OSBPL10: variants seen among roughly 807,000 people sequenced by gnomAD.
OSBPL10 encodes oxysterol binding protein like 10.
A neutral mutation model predicts 81.7 loss-of-function variants in OSBPL10; 49 were observed. That is an observed-to-expected ratio of 0.60 (90% CI 0.48 to 0.76). The LOEUF is 0.76. Among genes scored for constraint, OSBPL10 ranks in the 30% least tolerant of loss-of-function variants. OSBPL10 has a pLI of 0.00. For missense variants in OSBPL10, 923 were observed against 987.8 expected, an observed-to-expected ratio of 0.93 and a Z score of 0.88; for synonymous variants, 419 against 383.6, an observed-to-expected ratio of 1.09 and a Z score of -1.08.
chr3:31,900,591 A>T (rs1207489192), intron 1 of OSBPL10, among the ~76,000 whole-genome samples: 1 of 152,244 alleles, frequency 6.6e-6, no homozygotes, highest in Non-Finnish European at 1.5e-5. Context: ...AAGGCACTGC[A>T]GTCAGTTGTT....
At chr3:32,044,665 C>G (rs1331805753) in intron 2 of OSBPL10, among the ~76,000 whole-genome samples, 1 of 144,476 alleles carries the variant, frequency 6.9e-6, no homozygotes, top group Non-Finnish European at 1.5e-5. Flanking sequence ...GGCTTGAACC[C>G]GGGAGGCAGA....
chr3:31,955,192 G>A (rs1367890578), intron 1 of OSBPL10, among the ~76,000 whole-genome samples: 3 of 152,176 alleles, frequency 2.0e-5, no homozygotes, highest in African/African-American at 4.8e-5. Flanking sequence ...CAAAATTGAA[G>A]ATAACAGTAA....
chr3:31,942,534 C>CA (rs34915200), intron 1 of OSBPL10, among the ~76,000 whole-genome samples: 21,480 of 79,538 alleles, frequency 0.27, 3,495 homozygotes, highest in South Asian at 0.41. Flanking sequence ...GACTCCATCT[C>CA]AAAAAAAAAA....
intron 3 of OSBPL10, among the ~76,000 whole-genome samples, chr3:31,841,163 T>C (rs565592157): frequency 3.3e-5 from 5 of 152,330 alleles, no homozygotes; most frequent in Admixed American, 6.5e-5. Flanking sequence ...CGCCTCGGCC[T>C]CCCAAAGTGT....
chr3:31,863,671 T>C (rs1701109839), intron 3 of OSBPL10, among the ~76,000 whole-genome samples: 2 of 152,208 alleles, frequency 1.3e-5, no homozygotes. Context: ...TATTTCCTTT[T>C]CCCAAAAATG....
chr3:31,736,593 C>A (rs1279202222), intron 5 of OSBPL10, among the ~76,000 whole-genome samples: 5 of 152,184 alleles, frequency 3.3e-5, no homozygotes, highest in Non-Finnish European at 1.5e-5. Context: ...ATCTAAAATG[C>A]CAAACAGTTG....
At chr3:31,990,464 C>G in intron 2 of OSBPL10, 1 of 1,565,802 alleles carries the variant, frequency 6.4e-7, no homozygotes, top group South Asian at 1.2e-5. Context: ...TGTGGCAAGA[C>G]CTTCCATCAC....
chr3:31,942,091 G>A (rs1376808852), intron 1 of OSBPL10, among the ~76,000 whole-genome samples: 3 of 151,990 alleles, frequency 2.0e-5, no homozygotes, highest in East Asian at 1.9e-4. Flanking sequence ...TGGCTAACAC[G>A]GTGAAACCCC....
At chr3:32,033,474 T>C (rs900951869) in intron 2 of OSBPL10, among the ~76,000 whole-genome samples, 1 of 152,298 alleles carries the variant, frequency 6.6e-6, no homozygotes, top group Non-Finnish European at 1.5e-5. Context: ...TCCTTTCTAG[T>C]AAAAGGGTGA....
At chr3:32,004,326 C>T (rs1397980003) in intron 2 of OSBPL10, among the ~76,000 whole-genome samples, 1 of 152,110 alleles carries the variant, frequency 6.6e-6, no homozygotes, top group African/African-American at 2.4e-5. Context: ...GTGGTACTGG[C>T]TGCTTTTGCT....
chr3:31,800,171 G>A (rs919869055), intron 4 of OSBPL10, among the ~76,000 whole-genome samples: 4 of 152,222 alleles, frequency 2.6e-5, no homozygotes, highest in South Asian at 4.1e-4. Context: ...CCTAGTTGTT[G>A]TGCCTTCTCT....
intron 1 of OSBPL10, among the ~76,000 whole-genome samples, chr3:32,058,738 G>A (rs781420982): frequency 2.0e-5 from 3 of 152,194 alleles, no homozygotes; most frequent in Non-Finnish European, 2.9e-5. Flanking sequence ...TGCCATCATA[G>A]CTTACTGCAG....
chr3:31,872,821 G>A (rs1458821466), intron 3 of OSBPL10, among the ~76,000 whole-genome samples: 2 of 151,986 alleles, frequency 1.3e-5, no homozygotes, highest in East Asian at 1.9e-4. Flanking sequence ...ACAGGGTTTC[G>A]CCATGTTGCC....
intron 3 of OSBPL10, among the ~76,000 whole-genome samples, chr3:31,841,074 A>G (rs1700481446): frequency 6.6e-6 from 1 of 152,128 alleles, no homozygotes; most frequent in Non-Finnish European, 1.5e-5. Flanking sequence ...ACGCCCAGCT[A>G]ATTTTGTATT....
chr3:31,753,212 G>C (rs1293016514), intron 4 of OSBPL10, among the ~76,000 whole-genome samples: 1 of 144,134 alleles, frequency 6.9e-6, no homozygotes. Context: ...TTTAGACAGA[G>C]TTTCAATCTT....
intron 4 of OSBPL10, among the ~76,000 whole-genome samples, chr3:31,791,952 C>G (rs184329895): frequency 1.5e-4 from 23 of 151,980 alleles, no homozygotes; most frequent in African/African-American, 2.2e-4. Context: ...GATTTTGAAA[C>G]GAGCAAGACA....
In OSBPL10 at chr3:32,005,108, G is replaced by A. The variant is rs1394594365; in HGVS notation, n.298+41383C>T. On this transcript the variant is annotated intron_variant and non_coding_transcript_variant, in intron 2 of 3. Coordinates refer to the OSBPL10 transcript ENST00000479173. ...AAGTTCTGGTGTACATGTGCAGAAC[G>A]TTCAGGTTTGTTACATAGGTATACG... is the stretch of plus-strand genomic sequence containing the variant. Among the ~76,000 whole-genome samples the A allele has an allele frequency of 1.3e-5, 2 of 152,024 alleles. 1 individual carries two copies.
intron 3 of OSBPL10, among the ~76,000 whole-genome samples, chr3:31,831,481 GAAAC>G (rs1460468900): frequency 1.3e-5 from 2 of 151,496 alleles, no homozygotes; most frequent in African/African-American, 4.8e-5. Flanking sequence ...TTCTGCAAAG[GAAAC>G]AAACAGACCA....
intron 2 of OSBPL10, among the ~76,000 whole-genome samples, chr3:32,011,716 C>T (rs1380652180): frequency 1.3e-5 from 2 of 152,138 alleles, no homozygotes; most frequent in Admixed American, 6.5e-5. Context: ...GAATGGCTAA[C>T]TAGAATAATA....
Sources: allele counts gnomAD v4.1 joint callset (sites outside exome capture counted in the v4.1 genomes callset), GRCh38; gene constraint gnomAD v4.1.1; transcripts MANE v1.5; gene names NCBI Gene and HGNC (gene_info 2026-07-23, HGNC 2026-07-21).